RPS6KC1: variants seen among roughly 807,000 people sequenced by gnomAD.
RPS6KC1 encodes inactive ribosomal protein S6 kinase delta-1.
RPS6KC1 carries 54 observed loss-of-function variants against 103.8 expected under a neutral mutation model. That is an observed-to-expected ratio of 0.52 (90% confidence interval 0.42 to 0.65). RPS6KC1 has a LOEUF of 0.65. Ranked by LOEUF, RPS6KC1 falls within the 30% of genes least tolerant of loss-of-function variation. The pLI is 0.00. For missense variants in RPS6KC1, 1,151 were observed against 1,253.8 expected (o/e 0.92, Z 1.24); for synonymous variants, 439 against 438.7 (o/e 1.00, Z -0.01).
At chr1:213,830,994 C>G in the RPS6KC1 span, among the ~76,000 whole-genome samples, 5 of 152,142 alleles carry the variant, frequency 3.3e-5, no homozygotes, top group African/African-American at 1.2e-4. Flanking sequence ...CTGCTGAGGA[C>G]CAGTCTCCTA....
chr1:213,699,012 G>A, the RPS6KC1 span, among the ~76,000 whole-genome samples: 1 of 151,740 alleles, frequency 6.6e-6, no homozygotes, highest in African/African-American at 2.4e-5. Context: ...ATGGAAAATG[G>A]GGTATTATTA....
the RPS6KC1 span, among the ~76,000 whole-genome samples, chr1:213,371,362 C>A: frequency 6.6e-6 from 1 of 152,186 alleles, no homozygotes; most frequent in Non-Finnish European, 1.5e-5. Flanking sequence ...GTCAATGGGA[C>A]TTTTTGGCAG....
At chr1:213,528,098 A>T in the RPS6KC1 span, among the ~76,000 whole-genome samples, 1 of 152,174 alleles carries the variant, frequency 6.6e-6, no homozygotes, top group African/African-American at 2.4e-5. Flanking sequence ...GGACCCACAC[A>T]GTTCAAAGCT....
At chr1:213,205,567 T>TATATATATATATATATATATATATA (rs57191154) in intron 8 of RPS6KC1, among the ~76,000 whole-genome samples, 142 of 138,540 alleles carry the variant, frequency 1.0e-3, no homozygotes, top group Non-Finnish European at 1.5e-3. Flanking sequence ...TATATATATA[T>TATATATATATATATATATATATATA]TTCAAAAGAA....
chr1:213,854,510 C>CTCTTTCTTTCTT, the RPS6KC1 span, among the ~76,000 whole-genome samples: 4,435 of 120,906 alleles, frequency 0.037, 138 homozygotes, highest in Middle Eastern at 0.065. Context: ...CTCTTTCTTT[C>CTCTTTCTTTCTT]TCTTTCTTTC....
At chr1:213,083,210 A>G (rs1292468568) in intron 3 of RPS6KC1, among the ~76,000 whole-genome samples, 1 of 152,186 alleles carries the variant, frequency 6.6e-6, no homozygotes, top group Non-Finnish European at 1.5e-5. Context: ...AAGGCTAAAA[A>G]CAACCACGAA....
At chr1:213,553,701 G>C in the RPS6KC1 span, among the ~76,000 whole-genome samples, 1 of 151,858 alleles carries the variant, frequency 6.6e-6, no homozygotes, top group Non-Finnish European at 1.5e-5. Context: ...GTTATTTTTT[G>C]ATTTTTTTAA....
intron 8 of RPS6KC1, among the ~76,000 whole-genome samples, chr1:213,227,842 TTC>T (rs1558582418): frequency 1.3e-5 from 2 of 152,340 alleles, no homozygotes; most frequent in Non-Finnish European, 2.9e-5. Context: ...TAGACGATAG[TTC>T]TCTGTTTTTG....
At chr1:213,094,243 T>A (rs548747199) in intron 3 of RPS6KC1, among the ~76,000 whole-genome samples, 121 of 152,300 alleles carry the variant, frequency 7.9e-4, no homozygotes, top group African/African-American at 2.8e-3. Context: ...AATGCAGACA[T>A]CATGATATTT....
At chr1:213,397,502 A>C in the RPS6KC1 span, among the ~76,000 whole-genome samples, 1 of 151,652 alleles carries the variant, frequency 6.6e-6, no homozygotes, top group Non-Finnish European at 1.5e-5. Context: ...AAGAAGAAGG[A>C]TCTGTCAGCA....
the RPS6KC1 span, among the ~76,000 whole-genome samples, chr1:213,618,293 C>G: frequency 3.3e-5 from 5 of 152,316 alleles, no homozygotes; most frequent in East Asian, 7.7e-4. Context: ...ATCATACCCA[C>G]AACTCCTTTG....
chr1:213,095,334 A>G (rs1220081816), intron 3 of RPS6KC1, among the ~76,000 whole-genome samples: 4 of 152,214 alleles, frequency 2.6e-5, no homozygotes, highest in African/African-American at 7.2e-5. Context: ...ATAATTTCAT[A>G]CTGGTCAAGG....
the RPS6KC1 span, among the ~76,000 whole-genome samples, chr1:213,344,377 A>ATTTC: frequency 2.0e-5 from 3 of 152,228 alleles, no homozygotes; most frequent in Admixed American, 6.5e-5. Context: ...ATAAAAGAAG[A>ATTTC]GAATTTGGAA....
At chr1:213,530,568 G>A in the RPS6KC1 span, among the ~76,000 whole-genome samples, 4 of 152,190 alleles carry the variant, frequency 2.6e-5, no homozygotes, top group Non-Finnish European at 4.4e-5. Flanking sequence ...TGATGCAGAC[G>A]AGGCTCTCAC....
At chr1:213,687,475 T>C in the RPS6KC1 span, among the ~76,000 whole-genome samples, 7 of 152,168 alleles carry the variant, frequency 4.6e-5, no homozygotes, top group African/African-American at 9.7e-5. Flanking sequence ...TTTACCAGCA[T>C]TTTTTTGAAT....
At chr1:213,672,750 C>T in the RPS6KC1 span, among the ~76,000 whole-genome samples, 2 of 152,184 alleles carry the variant, frequency 1.3e-5, no homozygotes, top group African/African-American at 4.8e-5. Context: ...CTGAGCTTCA[C>T]ACTTGCATAA....
At chr1:213,218,204 A>G (rs2093721878) in intron 8 of RPS6KC1, among the ~76,000 whole-genome samples, 1 of 152,162 alleles carries the variant, frequency 6.6e-6, no homozygotes, top group Non-Finnish European at 1.5e-5. Flanking sequence ...ATGTGCAAAA[A>G]TCACAAGCAT....
chr1:213,506,209 C>G, the RPS6KC1 span, among the ~76,000 whole-genome samples: 1 of 152,172 alleles, frequency 6.6e-6, no homozygotes, highest in Non-Finnish European at 1.5e-5. Flanking sequence ...AATGAGTCTC[C>G]TACTTTTGTA....
chr1:213,068,877 G>A (rs12404133), intron 1 of RPS6KC1, among the ~76,000 whole-genome samples: 5 of 19,876 alleles, frequency 2.5e-4, no homozygotes, highest in Non-Finnish European at 6.5e-4. Context: ...GTATATATGT[G>A]TGTGTGTGTG....
Sources: allele counts gnomAD v4.1 joint callset (sites outside exome capture counted in the v4.1 genomes callset), GRCh38; gene constraint gnomAD v4.1.1; transcripts MANE v1.5; gene names NCBI Gene and HGNC (gene_info 2026-07-23, HGNC 2026-07-21).